The following COX16 variants were observed in gnomAD, a reference collection of about 807,000 sequenced individuals.
The protein encoded by COX16 is cytochrome c oxidase assembly factor COX16.
A neutral mutation model predicts 15.4 loss-of-function variants in COX16; 12 were observed. That is an observed-to-expected ratio of 0.78 (90% CI 0.50 to 1.26). COX16 has a LOEUF of 1.26. COX16 is among the 50% of genes most tolerant of loss of function. COX16 has a pLI of 0.00. For missense variants in COX16, 124 were observed against 127.6 expected, an observed-to-expected ratio of 0.97 and a Z score of 0.14; for synonymous variants, 46 against 41.1, an observed-to-expected ratio of 1.12 and a Z score of -0.46.
At chr14:70,344,288 A>G (rs904335335) in intron 1 of COX16, among the ~76,000 whole-genome samples, 6 of 152,224 alleles carry the variant, frequency 3.9e-5, no homozygotes, top group Admixed American at 3.9e-4. Context: ...GCAAAGGCAG[A>G]CTGGTCCCCA....
chr14:70,343,825 T>C (rs1301183111), intron 1 of COX16, among the ~76,000 whole-genome samples: 1 of 152,220 alleles, frequency 6.6e-6, no homozygotes, highest in African/African-American at 2.4e-5. Flanking sequence ...ACAGAGCTGA[T>C]TTATCAAGAC....
chr14:70,347,146 T>C (rs1334360174), intron 1 of COX16, among the ~76,000 whole-genome samples: 1 of 151,798 alleles, frequency 6.6e-6, no homozygotes, highest in Non-Finnish European at 1.5e-5. Flanking sequence ...CCCAAGCAGC[T>C]CTCATAGGCC....
chr14:70,328,072 A>ATTTTTTTTTTTTTTTTTTTTTTTTTTTT lies in COX16; in HGVS notation c.204+1101_204+1102insAAAAAAAAAAAAAAAAAAAAAAAAAAAA, dbSNP rs77655575. ...AGTAAAAATTATGCCTGAGAATAAG[A>ATTTTTTTTTTTTTTTTTTTTTTTTTTTT]TTTTTTTTTTTTTTTTTTTTTTTTT... On this transcript the variant is annotated intron_variant, in intron 3 of 3. Coordinates refer to ENST00000389912, the MANE Select transcript of COX16 (RefSeq NM_016468.7). 1.5e-4 allele frequency: 12 copies of ATTTTTTTTTTTTTTTTTTTTTTTTTTTT among 80,842 alleles called. 4 individuals carry two copies. The highest frequency in any genetic ancestry group is 1.1e-3 in the East Asian group (2 of 1,766). 5.0% of individuals were successfully genotyped at this position (80,842 alleles called of 1,614,324 possible). A position where few individuals can be genotyped will look rare whatever the true frequency, so the allele number is the denominator to read the frequency against.
At chr14:70,342,138 CCTA>C (rs1886642843) in intron 2 of COX16, among the ~76,000 whole-genome samples, 1 of 152,130 alleles carries the variant, frequency 6.6e-6, no homozygotes, top group African/African-American at 2.4e-5. Context: ...TTGCAAATTT[CCTA>C]ATGAAATAAG....
intron 2 of COX16, among the ~76,000 whole-genome samples, chr14:70,342,315 G>A (rs749500352): frequency 2.8e-4 from 43 of 152,162 alleles, no homozygotes; most frequent in Middle Eastern, 6.8e-3. Flanking sequence ...TGGTAGTGGC[G>A]CACACCTGTA....
chr14:70,348,380 A>G (rs1036364484), intron 1 of COX16, among the ~76,000 whole-genome samples: 2 of 152,092 alleles, frequency 1.3e-5, no homozygotes, highest in African/African-American at 4.8e-5. Flanking sequence ...AAACCCTGCC[A>G]TGCTCTTTCC....
At position 70,329,384 on chromosome 14, in the gene COX16, T is replaced by C. The variant is rs1367646693; in HGVS notation, c.142-148A>G. ...TCCACCATCTACTCTGATCACATAA[T>C]GATAACTAATGTACTACTGCCAGCA... On this transcript the variant is annotated intron_variant, in intron 2 of 3. Coordinates refer to ENST00000389912, the MANE Select transcript of COX16 (RefSeq NM_016468.7). 1.1e-5 allele frequency: 7 copies of C among 611,004 alleles called. No homozygotes were observed. In the East Asian group the frequency reaches 2.2e-4, roughly 19 times the overall value. The allele number at this position is 611,004 out of a possible 1,614,324, so 37.8% of individuals were successfully genotyped here.
chr14:70,354,058 T>C (rs1268415755), intron 1 of COX16, among the ~76,000 whole-genome samples: 1 of 152,022 alleles, frequency 6.6e-6, no homozygotes, highest in Non-Finnish European at 1.5e-5. Context: ...ATCCCTGTAA[T>C]CCCAACTACG....
intron 1 of COX16, among the ~76,000 whole-genome samples, chr14:70,343,612 A>G (rs1182493771): frequency 6.6e-6 from 1 of 152,242 alleles, no homozygotes; most frequent in African/African-American, 2.4e-5. Flanking sequence ...ATTCCCAGGG[A>G]CAATATGGCT....
rs1886043231 is a variant in COX16 at position 70,325,654 on chromosome 14, G to GA, written c.*678_*679insT. 6.6e-6 allele frequency: 1 copy of GA among 150,674 alleles called. No homozygotes were observed. Among genetic ancestry groups the GA allele is most frequent in the South Asian group, 2.1e-4 (1 of 4,702 alleles). 9.3% of individuals were successfully genotyped at this position (150,674 alleles called of 1,614,324 possible). A position where few individuals can be genotyped will look rare whatever the true frequency, so the allele number is the denominator to read the frequency against. On this transcript the variant is annotated 3_prime_UTR_variant, in exon 4 of 4. Coordinates refer to ENST00000389912, the MANE Select transcript of COX16 (RefSeq NM_016468.7). ...AGGCATAATTTTTAGTATTATCTTA[G>GA]TATTTCTCAAAATGTAGTCATCTAT...
At position 70,325,836 on chromosome 14, in the gene COX16, T is replaced by C. The variant is rs1463424586; in HGVS notation, c.*497A>G. 6.6e-6 allele frequency: 1 copy of C among 152,234 alleles called. No individual in the cohort carries two copies. Among genetic ancestry groups the C allele is most frequent in the African/African-American group, 2.4e-5 (1 of 41,434 alleles). 9.4% of individuals were successfully genotyped at this position (152,234 alleles called of 1,614,324 possible). ...ACTGATTATCATACTATGTGAGGCA[T>C]TACAAAGAAAATCAAGACTCTTAGC... On this transcript the variant is annotated 3_prime_UTR_variant, in exon 4 of 4. Coordinates refer to ENST00000389912, the MANE Select transcript of COX16 (RefSeq NM_016468.7).
intron 1 of COX16, among the ~76,000 whole-genome samples, chr14:70,343,724 C>T (rs1886691212): frequency 6.6e-6 from 1 of 152,098 alleles, no homozygotes; most frequent in Non-Finnish European, 1.5e-5. Context: ...TTTTTGCTGG[C>T]ACCTATTTGA....
In COX16 at chr14:70,359,635, A is replaced by C; in HGVS notation, c.-48T>G. On this transcript the variant is annotated 5_prime_UTR_variant, in exon 1 of 4. Coordinates refer to ENST00000389912, the MANE Select transcript of COX16 (RefSeq NM_016468.7). Reference sequence around the variant, plus strand: ...AGAACTCCAAGCGGGCCTAGCGCAGACTCCCAAATCTCAGCAGCTCACGCT... The same window carrying C: ...AGAACTCCAAGCGGGCCTAGCGCAGCCTCCCAAATCTCAGCAGCTCACGCT... The C allele has an allele frequency of 6.4e-7, 1 of 1,556,306 alleles. No individual in the cohort carries two copies. Among genetic ancestry groups the C allele is most frequent in the Non-Finnish European group, 8.9e-7 (1 of 1,128,062 alleles).
In COX16 at chr14:70,326,462, A is replaced by C. The variant is rs771537281; in HGVS notation, c.205-13T>G. ...AGTCTTTGATTTTCTATAGAACCAC[A>C]AAAAATTAAAGTATAAATATTAGTA... is the stretch of plus-strand genomic sequence containing the variant. On this transcript the variant is annotated splice_polypyrimidine_tract_variant and intron_variant, in intron 3 of 3. Coordinates refer to ENST00000389912, the MANE Select transcript of COX16 (RefSeq NM_016468.7). The C allele has an allele frequency of 1.2e-5, 19 of 1,561,188 alleles. No homozygotes were observed. The East Asian group carries it at 3.9e-4, about 32-fold the overall frequency.
In COX16 at chr14:70,329,188, CT is replaced by C. The variant is rs1398788859; in HGVS notation, c.189del (p.Glu64SerfsTer57). The C allele has an allele frequency of 6.3e-7, 1 of 1,596,522 alleles. No individual in the cohort carries two copies. Among genetic ancestry groups the C allele is most frequent in the Admixed American group, 1.7e-5 (1 of 58,850 alleles). ...EKKLKENKIS[L>X]ESEYEKIKDS... ...ACATACCGTACCTCATATTCCGACTCTAAAGATATTTTATTCTCTTTCAGTT... is the reference window on the plus strand; with the variant it reads ...ACATACCGTACCTCATATTCCGACTCAAAGATATTTTATTCTCTTTCAGTT... On this transcript the variant is annotated frameshift_variant, in exon 3 of 4. Coordinates refer to ENST00000389912, the MANE Select transcript of COX16 (RefSeq NM_016468.7). LOFTEE classifies it high-confidence loss of function.
chr14:70,352,299 G>A (rs1886978811), intron 1 of COX16, among the ~76,000 whole-genome samples: 1 of 152,068 alleles, frequency 6.6e-6, no homozygotes, highest in Admixed American at 6.5e-5. Flanking sequence ...CAATTCTCCT[G>A]CCTCAGCCTC....
At chr14:70,351,843 GTT>G (rs1886965981) in intron 1 of COX16, among the ~76,000 whole-genome samples, 1 of 152,044 alleles carries the variant, frequency 6.6e-6, no homozygotes, top group Admixed American at 6.5e-5. Context: ...GTTTTATAGT[GTT>G]TTATACCTTT....
intron 1 of COX16, among the ~76,000 whole-genome samples, chr14:70,352,814 C>T (rs1200695197): frequency 6.6e-6 from 1 of 151,618 alleles, no homozygotes; most frequent in Non-Finnish European, 1.5e-5. Flanking sequence ...AAAAAATATC[C>T]AGTAATGGAA....
At chr14:70,348,935 A>G (rs1886862493) in intron 1 of COX16, among the ~76,000 whole-genome samples, 1 of 152,080 alleles carries the variant, frequency 6.6e-6, no homozygotes, top group African/African-American at 2.4e-5. Flanking sequence ...CCTGCAACCC[A>G]TGCAAGGCCA....
Sources: gnomAD v4.1 joint callset for allele counts (sites outside exome capture counted in the v4.1 genomes callset) on GRCh38, gnomAD v4.1.1 for gene constraint, MANE v1.5 for transcripts, NCBI Gene and HGNC (gene_info 2026-07-23, HGNC 2026-07-21) for gene names.